Variants in ADAM32 observed in about 807,000 individuals in gnomAD.
ADAM32 encodes the protein disintegrin and metalloproteinase domain-containing protein 32.
Under a neutral mutation model 114.9 loss-of-function variants are expected in ADAM32, and 89 were observed. That is an observed-to-expected ratio of 0.77 (90% CI 0.65 to 0.92). ADAM32 has a LOEUF of 0.92. ADAM32 is among the 40% of genes least tolerant of loss of function. The pLI is 0.00. For synonymous variants in ADAM32, 285 were observed against 307.5 expected (o/e 0.93, Z 0.77); for missense variants, 870 against 932.8 (o/e 0.93, Z 0.88).
chr8:39,277,834 G>A (rs541522097), intron 22 of ADAM32, among the ~76,000 whole-genome samples: 2 of 152,352 alleles, frequency 1.3e-5, no homozygotes, highest in East Asian at 1.9e-4. Context: ...CCCAGAGGGC[G>A]TGTTACAGTG....
At chr8:39,147,856 C>A (rs542678131) in intron 4 of ADAM32, among the ~76,000 whole-genome samples, 1 of 152,188 alleles carries the variant, frequency 6.6e-6, no homozygotes, top group African/African-American at 2.4e-5. Flanking sequence ...TCACTGAAAC[C>A]TCCACCTCCT....
At chr8:39,180,820 C>G (rs1482576584) in intron 10 of ADAM32, among the ~76,000 whole-genome samples, 3 of 151,708 alleles carry the variant, frequency 2.0e-5, no homozygotes, top group Non-Finnish European at 4.4e-5. Flanking sequence ...AATTGGCACT[C>G]TGTATCTAGC....
At chr8:39,187,412 C>T (rs1806316309) in intron 11 of ADAM32, among the ~76,000 whole-genome samples, 1 of 152,174 alleles carries the variant, frequency 6.6e-6, no homozygotes, top group Non-Finnish European at 1.5e-5. Context: ...GCTGGGACTG[C>T]AGGCACCCGC....
intron 14 of ADAM32, among the ~76,000 whole-genome samples, chr8:39,226,084 A>G (rs1213876666): frequency 6.6e-6 from 1 of 151,760 alleles, no homozygotes; most frequent in Non-Finnish European, 1.5e-5. Context: ...TGAAGAACAC[A>G]ATGAATAACA....
chr8:39,200,683 C>T (rs946907372), intron 11 of ADAM32, among the ~76,000 whole-genome samples: 1 of 152,204 alleles, frequency 6.6e-6, no homozygotes, highest in African/African-American at 2.4e-5. Flanking sequence ...GTGTTTTAGA[C>T]ATGAAGTCCT....
chr8:39,229,145 A>C (rs2129449159), intron 14 of ADAM32, among the ~76,000 whole-genome samples: 1 of 152,342 alleles, frequency 6.6e-6, no homozygotes, highest in Non-Finnish European at 1.5e-5. Flanking sequence ...AGAATTCGCC[A>C]TTACCAAGCC....
chr8:39,270,459 A>C (rs1361647433), intron 19 of ADAM32, among the ~76,000 whole-genome samples: 1 of 152,168 alleles, frequency 6.6e-6, no homozygotes, highest in Non-Finnish European at 1.5e-5. Context: ...TCTGCATCCG[A>C]AGGCCTGAGG....
At chr8:39,218,335 G>A (rs1432599789) in intron 12 of ADAM32, among the ~76,000 whole-genome samples, 1 of 151,996 alleles carries the variant, frequency 6.6e-6, no homozygotes, top group Non-Finnish European at 1.5e-5. Flanking sequence ...ATGGCACTGG[G>A]TCTCACGCAA....
At chr8:39,165,798 A>G (rs573069928) in intron 9 of ADAM32, 4 of 152,018 alleles carry the variant, frequency 2.6e-5, no homozygotes, top group Non-Finnish European at 4.4e-5. Context: ...TGTGAGACTA[A>G]TCTTTCCCTC....
chr8:39,136,516 G>A (rs1314199102), intron 2 of ADAM32, 141 bp from the exon 3 acceptor site: 2 of 548,668 alleles, frequency 3.6e-6, no homozygotes, highest in Non-Finnish European at 6.2e-6. Context: ...ATGTGTTGTT[G>A]CACATTTTAA....
chr8:39,238,869 C>CA (rs531682663), intron 16 of ADAM32, among the ~76,000 whole-genome samples: 13 of 150,570 alleles, frequency 8.6e-5, no homozygotes, highest in East Asian at 3.9e-4. Flanking sequence ...CTGACACAGA[C>CA]AAAAAAAATA....
chr8:39,164,775 G>A lies in ADAM32; in HGVS notation c.606G>A (p.Trp202Ter). Residue 202 changes from tryptophan (W) to a stop codon, truncating the protein, a stop_gained, in exon 8 of 25, where the codon TGG becomes TGA. Coordinates refer to ENST00000379907, the MANE Select transcript of ADAM32 (RefSeq NM_145004.7). LOFTEE classifies it high-confidence loss of function. Reference sequence around the variant, plus strand: ...ATTCTGTTTTTCAGTATGATTACTGGGGCTCTGATAGCATGATAGTAACAA... The same window carrying A: ...ATTCTGTTTTTCAGTATGATTACTGAGGCTCTGATAGCATGATAGTAACAA... Reference protein sequence around the residue: ...IVVDKTLYDYWGSDSMIVTNK... With the variant: ...IVVDKTLYDY The A allele has an allele frequency of 6.3e-7, 1 of 1,597,144 alleles. No individual in the cohort carries two copies. Among genetic ancestry groups the A allele is most frequent in the Non-Finnish European group, 8.5e-7 (1 of 1,171,110 alleles).
At chr8:39,131,760 A>G (rs1200627277) in intron 2 of ADAM32, among the ~76,000 whole-genome samples, 1 of 152,020 alleles carries the variant, frequency 6.6e-6, no homozygotes, top group Admixed American at 6.5e-5. Flanking sequence ...TTAAGCCTAT[A>G]TTGTCTGATA....
intron 1 of ADAM32, among the ~76,000 whole-genome samples, chr8:39,110,437 T>C (rs1840111561): frequency 6.6e-6 from 1 of 152,232 alleles, no homozygotes; most frequent in African/African-American, 2.4e-5. Flanking sequence ...TTTATCCATT[T>C]ACCTACCAAA....
chr8:39,228,109 C>A (rs1233468084), intron 14 of ADAM32, among the ~76,000 whole-genome samples: 2 of 152,196 alleles, frequency 1.3e-5, no homozygotes, highest in Non-Finnish European at 2.9e-5. Flanking sequence ...TCATAGGAAG[C>A]CACATCCATA....
chr8:39,131,066 C>T (rs987198089), intron 2 of ADAM32, among the ~76,000 whole-genome samples: 52 of 151,032 alleles, frequency 3.4e-4, no homozygotes, highest in Non-Finnish European at 7.1e-4. Context: ...ACACCATTCT[C>T]CTGCCTCAGC....
At chr8:39,282,248 C>T (rs73608670) in intron 23 of ADAM32, among the ~76,000 whole-genome samples, 16,368 of 152,148 alleles carry the variant, frequency 0.11, 2,772 homozygotes, top group African/African-American at 0.36. Context: ...TTTATTTTCC[C>T]TACCTATTTA....
chr8:39,206,275 A>G lies in ADAM32; in HGVS notation c.1053-4869A>G, dbSNP rs192766508. Among the ~76,000 whole-genome samples, 5 of 152,316 alleles carry G rather than the reference A, an allele frequency of 3.3e-5. No individual in the cohort carries two copies. The East Asian group carries it at 9.6e-4, about 29-fold the overall frequency. On this transcript the variant is annotated intron_variant, in intron 11 of 24. Transcript: ENST00000379907. Reference sequence around the variant, plus strand: ...GTCCTTCAGCACCCGTGGTGGTGGTAGTAGGCAGGGCTTGCTGGAGCCTTC... The same window carrying G: ...GTCCTTCAGCACCCGTGGTGGTGGTGGTAGGCAGGGCTTGCTGGAGCCTTC...
At chr8:39,250,059 T>G (rs775941032) in intron 17 of ADAM32, among the ~76,000 whole-genome samples, 2 of 152,142 alleles carry the variant, frequency 1.3e-5, no homozygotes, top group Non-Finnish European at 2.9e-5. Context: ...GGTATAAATT[T>G]TTGGCATTTG....
Sources: allele counts gnomAD v4.1 joint callset (sites outside exome capture counted in the v4.1 genomes callset), GRCh38; gene constraint gnomAD v4.1.1; transcripts MANE v1.5; gene names NCBI Gene and HGNC (gene_info 2026-07-23, HGNC 2026-07-21).